The following TTLL7 variants were observed in gnomAD, a reference collection of about 807,000 sequenced individuals.
TTLL7 encodes tubulin tyrosine ligase like 7, also known as tubulin polyglutamylase TTLL7.
TTLL7 carries 53 observed loss-of-function variants against 120.2 expected under a neutral mutation model. The observed-to-expected ratio is 0.44, with a 90% CI of 0.35 to 0.55. The LOEUF (loss-of-function observed/expected upper bound fraction) is 0.55, where lower values mean the gene tolerates loss of function less well. TTLL7 is among the 20% of genes least tolerant of loss of function. TTLL7 has a pLI of 0.00. For synonymous variants in TTLL7, 353 were observed against 351.7 expected (o/e 1.00, Z -0.04); for missense variants, 803 against 1,054.7 (o/e 0.76, Z 3.31).
In TTLL7 at chr1:83,951,764, G is replaced by T. The variant is rs543048373; in HGVS notation, c.157+81C>A. ...TATATAAAAGATAAGTTATCTCTTT[G>T]GATTTCTACATTGTTTTTAACACCA... On this transcript the variant is annotated intron_variant, in intron 3 of 20. Coordinates refer to ENST00000260505, the MANE Select transcript of TTLL7 (RefSeq NM_024686.6). 46 of 1,441,478 alleles carry T rather than the reference G, an allele frequency of 3.2e-5. 1 individual carries two copies. The South Asian group carries it at 6.6e-4, about 21-fold the overall frequency. 89.3% of individuals were successfully genotyped at this position (1,441,478 alleles called of 1,614,324 possible). A position where few individuals can be genotyped will look rare whatever the true frequency, so the allele number is the denominator to read the frequency against.
At chr1:83,987,472 AGTGG>A (rs1652582001) in intron 1 of TTLL7, among the ~76,000 whole-genome samples, 1 of 152,172 alleles carries the variant, frequency 6.6e-6, no homozygotes, top group South Asian at 2.1e-4. Flanking sequence ...ATTTTTTTAA[AGTGG>A]CTCTTCCACA....
chr1:83,908,513 A>G (rs1557610480), intron 15 of TTLL7, among the ~76,000 whole-genome samples: 1 of 152,094 alleles, frequency 6.6e-6, no homozygotes, highest in Non-Finnish European at 1.5e-5. Flanking sequence ...GTATGGATCT[A>G]TAGGGTTGTT....
intron 18 of TTLL7, 138 bp downstream of exon 18, chr1:83,903,941 A>G (rs1656957051): frequency 1.0e-5 from 7 of 698,994 alleles, no homozygotes; most frequent in Non-Finnish European, 1.7e-5. Flanking sequence ...CTGACACATA[A>G]TAGATACTTA....
intron 18 of TTLL7, among the ~76,000 whole-genome samples, chr1:83,896,631 C>T (rs1026558340): frequency 6.6e-5 from 10 of 151,916 alleles, no homozygotes; most frequent in South Asian, 2.1e-4. Context: ...AAAACAGAGA[C>T]GGAAAATAGT....
chr1:83,952,443 A>G lies in TTLL7; in HGVS notation c.-176-56T>C, dbSNP rs938020909. ...AAAAAACTTTTTTGAATTTTTTTTCATATATGCCAAGACTATTCTTTTTAA... is the reference window on the plus strand; with the variant it reads ...AAAAAACTTTTTTGAATTTTTTTTCGTATATGCCAAGACTATTCTTTTTAA... On this transcript the variant is annotated intron_variant, in intron 1 of 20. Transcript: ENST00000260505. 1.8e-5 allele frequency: 8 copies of G among 436,010 alleles called. No homozygotes were observed. In the East Asian group the frequency reaches 2.1e-4, roughly 12 times the overall value. The allele number at this position is 436,010 out of a possible 1,614,324, so 27.0% of individuals were successfully genotyped here.
Position 83,951,873 on chromosome 1 carries a change from T to C in TTLL7, c.129A>G (p.Ala43=). ...RKKKKKGTIT[A]NVAGTKFEIV... The stretch of plus-strand genomic sequence containing the variant: ...TTTCAAACTTTGTCCCGGCAACATT[T>C]GCTGTAATGGTTCCCTTCTTTTTCT... Residue 43 remains alanine, a synonymous_variant, in exon 3 of 21, where the codon GCA becomes GCG. Coordinates refer to ENST00000260505, the MANE Select transcript of TTLL7 (RefSeq NM_024686.6). The C allele has an allele frequency of 6.2e-7, 1 of 1,612,282 alleles. No individual in the cohort carries two copies. Among genetic ancestry groups the C allele is most frequent in the Non-Finnish European group, 8.5e-7 (1 of 1,179,488 alleles).
chr1:83,870,125 A>G, intron 20 of TTLL7, 43 bp from the exon 21 acceptor site: 2 of 1,517,902 alleles, frequency 1.3e-6, no homozygotes, highest in African/African-American at 1.4e-5. Flanking sequence ...CAAGCAAATT[A>G]TAACTAACTC....
chr1:83,867,671 G>A lies in TTLL7; in HGVS notation c.*2291C>T, dbSNP rs1209850676. On this transcript the variant is annotated 3_prime_UTR_variant, in exon 21 of 21. Transcript: ENST00000260505. ...ACTCCAGCAAATTAAGTAATTATTT[G>A]TGATTTAAGATAATGCAAATGAGTG... 1 of 151,888 alleles carries A rather than the reference G, an allele frequency of 6.6e-6. No individual in the cohort carries two copies. The highest frequency in any genetic ancestry group is 2.4e-5 in the African/African-American group (1 of 41,388). The allele number at this position is 151,888 out of a possible 1,614,324, so 9.4% of individuals were successfully genotyped here.
intron 9 of TTLL7, among the ~76,000 whole-genome samples, chr1:83,931,666 GTTTAA>G (rs10531654): frequency 0.43 from 65,350 of 151,352 alleles, 15,388 homozygotes; most frequent in Non-Finnish European, 0.53. Flanking sequence ...GTAGGTTCCT[GTTTAA>G]TTTAAGAGTA....
At chr1:83,903,679 G>A (rs115784811) in intron 18 of TTLL7, among the ~76,000 whole-genome samples, 6,332 of 151,926 alleles carry the variant, frequency 0.042, 156 homozygotes, top group Middle Eastern at 0.099. Flanking sequence ...ATTGTTTAGG[G>A]ATAATGACAA....
intron 5 of TTLL7, among the ~76,000 whole-genome samples, chr1:83,948,005 G>A (rs1344383181): frequency 6.6e-6 from 1 of 152,070 alleles, no homozygotes; most frequent in Non-Finnish European, 1.5e-5. Flanking sequence ...CTTATTATCA[G>A]CTTTTCCATG....
intron 8 of TTLL7, among the ~76,000 whole-genome samples, chr1:83,936,967 C>T (rs1647449545): frequency 6.6e-6 from 1 of 151,988 alleles, no homozygotes; most frequent in African/African-American, 2.4e-5. Flanking sequence ...TGTCTGACAC[C>T]TAAGGACCTT....
rs1162198394 is a variant in TTLL7 at position 83,866,904 on chromosome 1, T to TA, written c.*3057dup. On this transcript the variant is annotated 3_prime_UTR_variant, in exon 21 of 21. Transcript: ENST00000260505. ...TACGTTTGTAAGTGATGATTTAAAA[T>TA]AAAAAAGGTTGTTTCTTAGACATTT... 3 of 151,936 alleles carry TA rather than the reference T, an allele frequency of 2.0e-5. No individual in the cohort carries two copies. The highest frequency in any genetic ancestry group is 4.4e-5 in the Non-Finnish European group (3 of 67,828). The allele number at this position is 151,936 out of a possible 1,614,324, so 9.4% of individuals were successfully genotyped here.
At chr1:83,905,272 AATAT>A (rs988042788) in intron 17 of TTLL7, among the ~76,000 whole-genome samples, 1 of 151,856 alleles carries the variant, frequency 6.6e-6, no homozygotes, top group African/African-American at 2.4e-5. Context: ...ACTTTTTAAA[AATAT>A]ATATAACAAC....
chr1:83,885,631 G>A (rs1386183635), intron 19 of TTLL7, among the ~76,000 whole-genome samples: 2 of 151,978 alleles, frequency 1.3e-5, no homozygotes, highest in Admixed American at 6.6e-5. Flanking sequence ...TTAGGTGTCA[G>A]CATACCAAAA....
At chr1:83,903,229 C>A (rs1403840942) in intron 18 of TTLL7, among the ~76,000 whole-genome samples, 1 of 152,016 alleles carries the variant, frequency 6.6e-6, no homozygotes, top group Non-Finnish European at 1.5e-5. Context: ...CCAGCTAAAA[C>A]AGACTATCCT....
chr1:83,952,269 C>A lies in TTLL7; in HGVS notation c.-58G>T. 6.2e-7 allele frequency: 1 copy of A among 1,600,596 alleles called. No individual in the cohort carries two copies. The highest frequency in any genetic ancestry group is 1.1e-5 in the South Asian group (1 of 89,624). On this transcript the variant is annotated 5_prime_UTR_variant, in exon 2 of 21. Coordinates refer to ENST00000260505, the MANE Select transcript of TTLL7 (RefSeq NM_024686.6). ...CTGCTGTACCAAGCTCTCAGGAAAT[C>A]TGGAAATTCCACATTAGTCTAAGTA...
At chr1:83,918,818 A>AT (rs1030598724) in intron 13 of TTLL7, among the ~76,000 whole-genome samples, 3 of 152,144 alleles carry the variant, frequency 2.0e-5, no homozygotes, top group Non-Finnish European at 2.9e-5. Flanking sequence ...GTGAGCAGAG[A>AT]TGAGTGGCCA....
chr1:83,959,918 A>G (rs1487920194), intron 1 of TTLL7, among the ~76,000 whole-genome samples: 1 of 152,162 alleles, frequency 6.6e-6, no homozygotes, highest in African/African-American at 2.4e-5. Context: ...ACAAAATAAT[A>G]TATTTCTTAT....
Sources: allele counts gnomAD v4.1 joint callset (sites outside exome capture counted in the v4.1 genomes callset), GRCh38; gene constraint gnomAD v4.1.1; transcripts MANE v1.5; gene names NCBI Gene and HGNC (gene_info 2026-07-23, HGNC 2026-07-21).